Variants in SYNJ2 observed in about 807,000 individuals in gnomAD.
SYNJ2 encodes synaptojanin 2, also known as polyphosphatidylinositol phosphatase SYNJ2.
SYNJ2 carries 116 observed loss-of-function variants against 141.3 expected under a neutral mutation model. The observed-to-expected ratio is 0.82, with a 90% CI of 0.71 to 0.96. The LOEUF (loss-of-function observed/expected upper bound fraction) is 0.96. SYNJ2 is among the 40% of genes least tolerant of loss of function. The pLI is 0.00. For missense variants in SYNJ2, 1,873 were observed against 1,934.8 expected, an observed-to-expected ratio of 0.97 and a Z score of 0.60; for synonymous variants, 745 against 777.7, an observed-to-expected ratio of 0.96 and a Z score of 0.70.
At chr6:158,039,329 T>C (rs756616463) in intron 4 of SYNJ2, among the ~76,000 whole-genome samples, 8 of 152,324 alleles carry the variant, frequency 5.3e-5, no homozygotes, top group African/African-American at 1.7e-4. Context: ...CTGCTGAGGA[T>C]GGTTCTTCTA....
chr6:158,093,837 G>A (rs534910652), intron 26 of SYNJ2: 91 of 755,382 alleles, frequency 1.2e-4, no homozygotes, highest in South Asian at 1.1e-3. Flanking sequence ...GCTCTCGTGC[G>A]GCCTCAGCCT....
intron 3 of SYNJ2, 82 bp downstream of exon 3, chr6:158,029,108 C>G (rs1269429134): frequency 6.5e-7 from 1 of 1,538,676 alleles, no homozygotes; most frequent in Non-Finnish European, 8.7e-7. Context: ...GAGGCCTTGA[C>G]CTCCACTTGC....
intron 5 of SYNJ2, among the ~76,000 whole-genome samples, chr6:158,047,791 A>C (rs1467733882): frequency 3.0e-4 from 44 of 148,708 alleles, no homozygotes; most frequent in African/African-American, 1.0e-3. Flanking sequence ...AAAAAAAAAA[A>C]AAAAAAAAAA....
chr6:158,006,250 G>A (rs1396719679), intron 1 of SYNJ2, among the ~76,000 whole-genome samples: 1 of 152,032 alleles, frequency 6.6e-6, no homozygotes, highest in African/African-American at 2.4e-5. Flanking sequence ...CACGATCCAT[G>A]CACACAATGC....
At chr6:158,092,601 T>C (rs1203902449) in intron 25 of SYNJ2, among the ~76,000 whole-genome samples, 2 of 152,026 alleles carry the variant, frequency 1.3e-5, no homozygotes, top group Non-Finnish European at 2.9e-5. Context: ...TCATCTCTAC[T>C]AAAAATTTTA....
intron 5 of SYNJ2, among the ~76,000 whole-genome samples, chr6:158,054,269 C>T (rs538758308): frequency 2.2e-4 from 34 of 152,172 alleles, no homozygotes; most frequent in African/African-American, 8.2e-4. Context: ...ACCCACCTAC[C>T]CATCCACCCA....
At chr6:158,044,106 G>A (rs1440171157) in intron 5 of SYNJ2, among the ~76,000 whole-genome samples, 1 of 152,224 alleles carries the variant, frequency 6.6e-6, no homozygotes, top group African/African-American at 2.4e-5. Context: ...CCGAGGGGAC[G>A]TGGGTGCCTT....
chr6:158,096,674 T>A lies in SYNJ2; in HGVS notation c.*310T>A, dbSNP rs1302974873. On this transcript the variant is annotated 3_prime_UTR_variant, in exon 27 of 27. Coordinates refer to ENST00000355585, the MANE Select transcript of SYNJ2 (RefSeq NM_003898.4). ...ATGAGGTCCAAGAAGTTCTCACCCA[T>A]TGAATTTTTAAATGGCTGTTCAGTT... The A allele has an allele frequency of 8.8e-6, 2 of 226,694 alleles. No homozygotes were observed. Among genetic ancestry groups the A allele is most frequent in the Non-Finnish European group, 1.7e-5 (2 of 117,012 alleles). The allele number at this position is 226,694 out of a possible 1,614,324, so 14.0% of individuals were successfully genotyped here.
intron 1 of SYNJ2, among the ~76,000 whole-genome samples, chr6:158,008,945 G>A (rs555093195): frequency 4.7e-4 from 71 of 152,260 alleles, no homozygotes; most frequent in African/African-American, 1.7e-3. Context: ...TGTTCCCCAC[G>A]CCACTTCCTC....
At chr6:158,011,546 TTTTG>T (rs1345394825) in intron 1 of SYNJ2, among the ~76,000 whole-genome samples, 20 of 152,120 alleles carry the variant, frequency 1.3e-4, no homozygotes, top group East Asian at 9.7e-4. Flanking sequence ...TCCTGTTGGG[TTTTG>T]TTTGTTTGTT....
Position 158,066,636 on chromosome 6 carries a change from G to A in SYNJ2, c.1717+1G>A. On this transcript the variant is annotated splice_donor_variant, in intron 12 of 26. Transcript: ENST00000355585. LOFTEE classifies it high-confidence loss of function. The stretch of plus-strand genomic sequence containing the variant: ...CTCTCGGGAGCTACCGACTCCCAGG[G>A]TGAGGGCAGTGACTTTGGGGGAGAC... 1.2e-6 allele frequency: 2 copies of A among 1,612,964 alleles called. No homozygotes were observed. The highest frequency in any genetic ancestry group is 1.7e-6 in the Non-Finnish European group (2 of 1,179,906).
rs61744324 is a variant in SYNJ2, at chr6:158,028,763, G to A, written c.222G>A (p.Thr74=). ...LGELRLKSGG[T]SLSFLVLVTG... Reference sequence around the variant, plus strand: ...GTCTGATTTCCTTTCCAGGTGGCACGTCTCTGAGCTTCCTGGTGTTGGTGA... The same window carrying A: ...GTCTGATTTCCTTTCCAGGTGGCACATCTCTGAGCTTCCTGGTGTTGGTGA... Residue 74 remains threonine (T), a synonymous_variant, in exon 3 of 27, where the codon ACG becomes ACA. Coordinates refer to ENST00000355585, the MANE Select transcript of SYNJ2 (RefSeq NM_003898.4). The A allele has an allele frequency of 5.7e-4, 919 of 1,613,698 alleles. 3 individuals are homozygous for A. In the African/African-American group the frequency reaches 8.9e-3, roughly 16 times the overall value.
rs542186243 is a variant in SYNJ2 at position 158,013,422 on chromosome 6, T to G, written c.128-3782T>G. Reference sequence around the variant, plus strand: ...TTTTGAGAACAATTTTGTATACAGATTCCCCCAGGAGCTACCCCTTGAAGC... The same window carrying G: ...TTTTGAGAACAATTTTGTATACAGAGTCCCCCAGGAGCTACCCCTTGAAGC... On this transcript the variant is annotated intron_variant, in intron 1 of 26. Coordinates refer to ENST00000355585, the MANE Select transcript of SYNJ2 (RefSeq NM_003898.4). Among the ~76,000 whole-genome samples, 50 of 152,280 alleles carry G rather than the reference T, an allele frequency of 3.3e-4. No homozygotes were observed. The Middle Eastern group carries it at 0.01, about 31-fold the overall frequency.
chr6:158,018,819 G>T (rs751390706), intron 2 of SYNJ2, among the ~76,000 whole-genome samples: 20 of 152,254 alleles, frequency 1.3e-4, no homozygotes, highest in Non-Finnish European at 2.6e-4. Context: ...CTTAGTTGGG[G>T]TTTGAAGCGC....
chr6:157,992,350 C>G (rs1715740898), intron 1 of SYNJ2, among the ~76,000 whole-genome samples: 1 of 151,326 alleles, frequency 6.6e-6, no homozygotes, highest in African/African-American at 2.4e-5. Flanking sequence ...TTTTAGATCC[C>G]ACAAATAAGT....
At chr6:158,081,368 G>A (rs373006876) in intron 19 of SYNJ2, 41 bp downstream of exon 19, 51 of 1,612,966 alleles carry the variant, frequency 3.2e-5, no homozygotes, top group Non-Finnish European at 4.1e-5. Flanking sequence ...AGGGGATGTC[G>A]ATGAGGATCC....
intron 4 of SYNJ2, among the ~76,000 whole-genome samples, chr6:158,037,888 C>T (rs1779725354): frequency 6.6e-6 from 1 of 152,282 alleles, no homozygotes; most frequent in South Asian, 2.1e-4. Context: ...TGAGAACTCT[C>T]GCTGCAATCT....
At chr6:158,023,081 C>T (rs1446995986) in intron 2 of SYNJ2, among the ~76,000 whole-genome samples, 1 of 152,036 alleles carries the variant, frequency 6.6e-6, no homozygotes, top group Non-Finnish European at 1.5e-5. Flanking sequence ...AAGACTATGT[C>T]TCTACATAGT....
At chr6:158,068,790 C>A in intron 13 of SYNJ2, 62 bp downstream of exon 13, 1 of 1,583,560 alleles carries the variant, frequency 6.3e-7, no homozygotes, top group South Asian at 1.1e-5. Context: ...TGGCTGGGAG[C>A]AGAGCCTCTG....
Sources: allele counts gnomAD v4.1 joint callset (sites outside exome capture counted in the v4.1 genomes callset), GRCh38; gene constraint gnomAD v4.1.1; transcripts MANE v1.5; gene names NCBI Gene and HGNC (gene_info 2026-07-23, HGNC 2026-07-21).